TUSC3: variants seen among roughly 807,000 people sequenced by gnomAD.
TUSC3 encodes the protein dolichyl-diphosphooligosaccharide--protein glycosyltransferase subunit TUSC3.
In TUSC3, 45 loss-of-function variants were observed where a neutral mutation model predicts 44.8. That is an observed-to-expected ratio of 1.00 (90% CI 0.79 to 1.29). TUSC3 has a LOEUF of 1.29. Among genes scored for constraint, TUSC3 ranks in the 50% most tolerant of loss-of-function variants. TUSC3 has a pLI of 0.00. For missense variants in TUSC3, 519 were observed against 437.9 expected (o/e 1.19, Z -1.65); for synonymous variants, 212 against 152.9 (o/e 1.39, Z -2.85).
At chr8:15,760,047 G>A (rs765483973) in intron 10 of TUSC3, among the ~76,000 whole-genome samples, 9 of 151,906 alleles carry the variant, frequency 5.9e-5, no homozygotes. Context: ...ATTGTCTCCC[G>A]GTATCTAGTC....
intron 8 of TUSC3, 152 bp downstream of exon 8, chr8:15,743,764 G>T: frequency 1.2e-6 from 1 of 856,332 alleles, no homozygotes; most frequent in South Asian, 1.4e-5. Context: ...TTGCTGGGAT[G>T]TGTTCATATA....
chr8:15,621,099 G>T (rs545322893), intron 1 of TUSC3, among the ~76,000 whole-genome samples: 6 of 151,836 alleles, frequency 4.0e-5, no homozygotes, highest in African/African-American at 9.7e-5. Context: ...GCCCTCATTA[G>T]TGGATTACCC....
At position 15,748,449 on chromosome 8, in the gene TUSC3, C is replaced by G. The variant is rs1811517715; in HGVS notation, c.1012C>G (p.His338Asp). Residue 338 changes from histidine (H) to aspartate (D), a missense_variant, in exon 9 of 11, where the codon CAC becomes GAC. Coordinates refer to ENST00000503731, the MANE Select transcript of TUSC3 (RefSeq NM_006765.4). The part of the protein sequence containing the change: ...FLLSIFRSKY[H>D]GYPYSDLDFE ...ACTTTCAATATTTCGTTCCAAGTAC[C>G]ACGGCTATCCTTATAGGTAATATCT... is the stretch of plus-strand genomic sequence containing the variant. 6.2e-7 allele frequency: 1 copy of G among 1,611,966 alleles called. No individual in the cohort carries two copies. The highest frequency in any genetic ancestry group is 8.5e-7 in the Non-Finnish European group (1 of 1,178,498).
intron 2 of TUSC3, among the ~76,000 whole-genome samples, chr8:15,637,309 A>C (rs1440702833): frequency 6.6e-6 from 1 of 151,172 alleles, no homozygotes; most frequent in African/African-American, 2.4e-5. Flanking sequence ...TTTTCAGTCA[A>C]CTCCATTTTT....
At chr8:15,717,378 G>C (rs1810097834) in intron 6 of TUSC3, among the ~76,000 whole-genome samples, 4 of 152,102 alleles carry the variant, frequency 2.6e-5, no homozygotes, top group Non-Finnish European at 5.9e-5. Flanking sequence ...AAGATTGTTT[G>C]AGAGTAACGA....
intron 1 of TUSC3, among the ~76,000 whole-genome samples, chr8:15,601,287 G>C (rs1025676007): frequency 4.6e-5 from 7 of 151,382 alleles, no homozygotes; most frequent in African/African-American, 1.7e-4. Context: ...TTTCCCCCCC[G>C]TTGCCTATAA....
chr8:15,829,145 A>G, the TUSC3 span, among the ~76,000 whole-genome samples: 1 of 152,080 alleles, frequency 6.6e-6, no homozygotes, highest in Non-Finnish European at 1.5e-5. Flanking sequence ...TGTGCACTAC[A>G]ATTGCATGGT....
At chr8:15,585,853 C>T (rs775675029) in intron 1 of TUSC3, among the ~76,000 whole-genome samples, 5 of 152,074 alleles carry the variant, frequency 3.3e-5, no homozygotes, top group Non-Finnish European at 4.4e-5. Context: ...TGAGCGTGAC[C>T]GGGTTTTTTT....
the TUSC3 span, among the ~76,000 whole-genome samples, chr8:15,807,875 G>A: frequency 1.3e-5 from 2 of 152,154 alleles, no homozygotes; most frequent in African/African-American, 4.8e-5. Context: ...TGCGGATGAA[G>A]GAAGGAAAGC....
At position 15,765,421 on chromosome 8, in the gene TUSC3, A is replaced by C. The variant is rs1265366054; in HGVS notation, c.*1265A>C. ...AAGATTTGAGTAACAGACCATGGAG[A>C]ATTGTTTTCATTGGGAGTTCCAGCT... is the stretch of plus-strand genomic sequence containing the variant. On this transcript the variant is annotated 3_prime_UTR_variant, in exon 11 of 11. Coordinates refer to ENST00000503731, the MANE Select transcript of TUSC3 (RefSeq NM_006765.4). The C allele has an allele frequency of 2.0e-5, 3 of 151,920 alleles. No individual in the cohort carries two copies. The South Asian group carries it at 6.2e-4, about 31-fold the overall frequency. The allele number at this position is 151,920 out of a possible 1,614,324, so 9.4% of individuals were successfully genotyped here.
At chr8:15,475,851 T>C (rs1800568050) in intron 1 of TUSC3, among the ~76,000 whole-genome samples, 1 of 152,192 alleles carries the variant, frequency 6.6e-6, no homozygotes, top group South Asian at 2.1e-4. Context: ...GCACTAATTC[T>C]CTTCCTCTGA....
At chr8:15,750,536 T>A (rs903856385) in intron 9 of TUSC3, among the ~76,000 whole-genome samples, 3 of 152,192 alleles carry the variant, frequency 2.0e-5, no homozygotes, top group Non-Finnish European at 4.4e-5. Context: ...TTGTACTTTT[T>A]TTTTCAAGTA....
intron 1 of TUSC3, among the ~76,000 whole-genome samples, chr8:15,556,165 C>A: frequency 8.9e-6 from 1 of 112,284 alleles, no homozygotes; most frequent in Non-Finnish European, 1.7e-5. Flanking sequence ...CCTCCCCCCA[C>A]CCCACAACAG....
At chr8:15,844,028 A>G in the TUSC3 span, among the ~76,000 whole-genome samples, 12 of 152,266 alleles carry the variant, frequency 7.9e-5, no homozygotes, top group African/African-American at 2.9e-4. Context: ...TATCCTAATC[A>G]ATTTCAGCGA....
the TUSC3 span, among the ~76,000 whole-genome samples, chr8:15,850,779 CA>C: frequency 6.6e-6 from 1 of 152,014 alleles, no homozygotes; most frequent in Non-Finnish European, 1.5e-5. Context: ...ACATTGAAAC[CA>C]AAAAAATGAG....
chr8:15,552,074 T>C (rs534023135), intron 1 of TUSC3, among the ~76,000 whole-genome samples: 19 of 151,916 alleles, frequency 1.3e-4, no homozygotes, highest in African/African-American at 4.3e-4. Flanking sequence ...ACAAGCCTTA[T>C]ATGTTTGATT....
chr8:15,678,505 C>T, intron 6 of TUSC3, among the ~76,000 whole-genome samples: 1 of 152,022 alleles, frequency 6.6e-6, no homozygotes, highest in East Asian at 1.9e-4. Flanking sequence ...ATAAAAGTCT[C>T]ATCAATTAAA....
chr8:15,615,569 T>C (rs918272340), intron 1 of TUSC3, among the ~76,000 whole-genome samples: 1 of 152,144 alleles, frequency 6.6e-6, no homozygotes, highest in Non-Finnish European at 1.5e-5. Flanking sequence ...AGGGTGAATA[T>C]AGTTTACACT....
chr8:15,585,587 C>G (rs932405290), intron 1 of TUSC3, among the ~76,000 whole-genome samples: 13 of 152,150 alleles, frequency 8.5e-5, no homozygotes, highest in African/African-American at 3.1e-4. Flanking sequence ...TTTCTTGTAG[C>G]TCCACCCTGT....
Sources: allele counts gnomAD v4.1 joint callset (sites outside exome capture counted in the v4.1 genomes callset), GRCh38; gene constraint gnomAD v4.1.1; transcripts MANE v1.5; gene names NCBI Gene and HGNC (gene_info 2026-07-23, HGNC 2026-07-21).